The following PWWP2A variants were observed in gnomAD, a reference collection of about 807,000 sequenced individuals.
PWWP2A encodes the protein PWWP domain-containing protein 2A.
Under a neutral mutation model 48.5 loss-of-function variants are expected in PWWP2A, and 18 were observed. That is an observed-to-expected ratio of 0.37 (90% CI 0.26 to 0.55). PWWP2A has a LOEUF of 0.55. Ranked by LOEUF, PWWP2A falls within the 20% of genes least tolerant of loss-of-function variation. The pLI is 0.81. For synonymous variants in PWWP2A, 396 were observed against 387.7 expected (o/e 1.02, Z -0.25); for missense variants, 867 against 976.4 (o/e 0.89, Z 1.49).
At position 160,115,872 on chromosome 5, in the gene PWWP2A, T is replaced by C. The variant is rs185694060; in HGVS notation, c.584+2933A>G. ...AAAAACAAAAAAAAACACTGTCTCC[T>C]GGATCCATCAGTAAACCCCAAAACT... On this transcript the variant is annotated intron_variant, in intron 1 of 1. Transcript: ENST00000307063. Among the ~76,000 whole-genome samples the C allele has an allele frequency of 2.0e-5, 3 of 151,988 alleles. No homozygotes were observed. In the East Asian group the frequency reaches 5.8e-4, roughly 29 times the overall value.
downstream of PWWP2A, among the ~76,000 whole-genome samples, chr5:160,088,333 A>T (rs1350321071): frequency 6.6e-6 from 1 of 152,014 alleles, no homozygotes; most frequent in Non-Finnish European, 1.5e-5. Context: ...CTCGAGTTCA[A>T]GCAATTCTCC....
At chr5:160,104,967 C>T (rs73311198) in intron 1 of PWWP2A, among the ~76,000 whole-genome samples, 1,954 of 152,226 alleles carry the variant, frequency 0.013, 47 homozygotes, top group African/African-American at 0.045. Context: ...GGTGGCCAGG[C>T]CTTGTGGCTC....
chr5:160,098,914 A>G (rs907884423), intron 1 of PWWP2A, among the ~76,000 whole-genome samples: 7 of 152,318 alleles, frequency 4.6e-5, no homozygotes, highest in African/African-American at 1.2e-4. Flanking sequence ...CCAGCACTCC[A>G]GCCTGGGTGA....
At chr5:160,054,782 TTATGAG>T in the PWWP2A span, among the ~76,000 whole-genome samples, 1 of 152,212 alleles carries the variant, frequency 6.6e-6, no homozygotes, top group African/African-American at 2.4e-5. Flanking sequence ...GACACGGCCT[TTATGAG>T]TATATCTAAG....
At chr5:160,090,945 G>C, downstream of PWWP2A, 1 of 985,182 alleles carries the variant, frequency 1.0e-6, no homozygotes, top group Non-Finnish European at 1.2e-6. Flanking sequence ...TAGAAAAATA[G>C]TAAGCTAAGT....
intron 1 of PWWP2A, among the ~76,000 whole-genome samples, chr5:160,114,994 AG>A (rs1757965781): frequency 6.6e-6 from 1 of 151,784 alleles, no homozygotes; most frequent in Admixed American, 6.6e-5. Context: ...AAAATTAGCC[AG>A]GCGTGCTGGC....
At chr5:160,082,351 G>A (rs1223699038) in intron 2 of PWWP2A, among the ~76,000 whole-genome samples, 2 of 151,666 alleles carry the variant, frequency 1.3e-5, no homozygotes, top group African/African-American at 4.8e-5. Context: ...GGCTGAGGCA[G>A]GAGAATGGCG....
chr5:160,104,149 A>G (rs1756618756), intron 1 of PWWP2A, among the ~76,000 whole-genome samples: 1 of 148,834 alleles, frequency 6.7e-6, no homozygotes, highest in African/African-American at 2.5e-5. Context: ...AAGAAATGAA[A>G]AAAGAAAAAG....
chr5:160,088,446 C>T (rs769298652), downstream of PWWP2A, among the ~76,000 whole-genome samples: 30 of 152,244 alleles, frequency 2.0e-4, no homozygotes, highest in East Asian at 3.9e-4. Flanking sequence ...ACGGGGGTTT[C>T]GCCATGTTGG....
At chr5:160,051,251 C>G in the PWWP2A span, 3 of 1,286,698 alleles carry the variant, frequency 2.3e-6, no homozygotes, top group Non-Finnish European at 3.3e-6. Flanking sequence ...ATAGCGAATA[C>G]TAGAGGAGAA....
chr5:160,051,163 G>A, the PWWP2A span: 2 of 1,606,928 alleles, frequency 1.2e-6, no homozygotes, highest in Non-Finnish European at 1.7e-6. Context: ...CGTAATGAAA[G>A]ACTAAAAGAA....
intron 2 of PWWP2A, among the ~76,000 whole-genome samples, chr5:160,067,493 C>A (rs1015453715): frequency 6.6e-6 from 1 of 152,108 alleles, no homozygotes; most frequent in Non-Finnish European, 1.5e-5. Context: ...TAGACTTGTT[C>A]GTCTAGAAAC....
At chr5:160,073,484 C>T (rs1264908848), downstream of PWWP2A, among the ~76,000 whole-genome samples, 1 of 152,092 alleles carries the variant, frequency 6.6e-6, no homozygotes, top group Non-Finnish European at 1.5e-5. Context: ...TCCTCGACCT[C>T]CCAAAGTACT....
chr5:160,051,179 G>A, the PWWP2A span: 4 of 1,607,810 alleles, frequency 2.5e-6, no homozygotes, highest in East Asian at 6.7e-5. Context: ...AAGAAGAGAT[G>A]TTAGGTAAGC....
downstream of PWWP2A, among the ~76,000 whole-genome samples, chr5:160,071,260 C>T (rs769703523): frequency 1.8e-4 from 28 of 152,290 alleles, no homozygotes; most frequent in South Asian, 2.7e-3. Flanking sequence ...GCCTCTGAGA[C>T]TACTGGTAAG....
downstream of PWWP2A, among the ~76,000 whole-genome samples, chr5:160,061,640 A>G (rs1753408258): frequency 6.6e-6 from 1 of 151,986 alleles, no homozygotes; most frequent in Non-Finnish European, 1.5e-5. Flanking sequence ...TCTCATTTAG[A>G]AAGCAGAATT....
intron 1 of PWWP2A, among the ~76,000 whole-genome samples, chr5:160,100,739 G>T (rs548943895): frequency 6.6e-6 from 1 of 152,188 alleles, no homozygotes. Flanking sequence ...AGCTTATTGT[G>T]GTTCATATTT....
At chr5:160,108,716 T>A (rs1418126309) in intron 1 of PWWP2A, 3 of 510,574 alleles carry the variant, frequency 5.9e-6, no homozygotes, top group Non-Finnish European at 1.0e-5. Flanking sequence ...TGAAGTTTCC[T>A]AAGGAAATCA....
the PWWP2A span, among the ~76,000 whole-genome samples, chr5:160,050,963 CAT>C: frequency 7.5e-6 from 1 of 134,072 alleles, no homozygotes; most frequent in East Asian, 2.2e-4. Flanking sequence ...GCACCACAAA[CAT>C]AAATACTTGG....
Sources: gnomAD v4.1 joint callset for allele counts (sites outside exome capture counted in the v4.1 genomes callset) on GRCh38, gnomAD v4.1.1 for gene constraint, MANE v1.5 for transcripts, NCBI Gene and HGNC (gene_info 2026-07-23, HGNC 2026-07-21) for gene names.